The following ITGA2B variants were observed in gnomAD, a reference collection of about 807,000 sequenced individuals.
ITGA2B encodes integrin alpha-IIb.
In ITGA2B, 91 loss-of-function variants were observed where a neutral mutation model predicts 142.0. The ratio of observed to expected loss-of-function variants is 0.64; its 90% CI spans 0.54 to 0.76. ITGA2B has a LOEUF of 0.76. Ranked by LOEUF, ITGA2B falls within the 30% of genes least tolerant of loss-of-function variation. ITGA2B has a pLI of 0.00. For missense variants in ITGA2B, 1,231 were observed against 1,350.8 expected (o/e 0.91, Z 1.39); for synonymous variants, 536 against 567.2 (o/e 0.94, Z 0.78).
chr17:44,385,372 G>A, intron 4 of ITGA2B, 37 bp from the exon 5 acceptor site: 1 of 1,596,660 alleles, frequency 6.3e-7, no homozygotes, highest in Non-Finnish European at 8.5e-7. Flanking sequence ...GCGCAGGGGT[G>A]AAGGGAGGCG....
chr17:44,385,728 C>T lies in ITGA2B; in HGVS notation c.409-12G>A. ...CAGGGGGCGCAGGCCTGGAGAAAGG[C>T]CACAGGAGTGGGGACGGGCGCGAGA... is the stretch of plus-strand genomic sequence containing the variant. On this transcript the variant is annotated splice_polypyrimidine_tract_variant and intron_variant, in intron 3 of 29. Transcript: ENST00000262407. 8.1e-6 allele frequency: 13 copies of T among 1,613,622 alleles called. No individual in the cohort carries two copies. The highest frequency in any genetic ancestry group is 1.1e-5 in the Non-Finnish European group (13 of 1,179,990).
rs763330792 is a variant in ITGA2B, at chr17:44,375,719, G to A, written c.2602-3C>T. 4.5e-6 allele frequency: 7 copies of A among 1,572,764 alleles called. No individual in the cohort carries two copies. Among genetic ancestry groups the A allele is most frequent in the Admixed American group, 1.9e-5 (1 of 52,598 alleles). On this transcript the variant is annotated splice_region_variant and splice_polypyrimidine_tract_variant and intron_variant, in intron 25 of 29. Transcript: ENST00000262407. ...GGGATGGGCAGCCCCCAGTCCACCTGGGGGGGCAAAGGAGTGGTCAGGCCC... is the reference window on the plus strand; with the variant it reads ...GGGATGGGCAGCCCCCAGTCCACCTAGGGGGGCAAAGGAGTGGTCAGGCCC...
chr17:44,387,793 T>G (rs970693426), intron 1 of ITGA2B, among the ~76,000 whole-genome samples: 4 of 117,020 alleles, frequency 3.4e-5, no homozygotes, highest in African/African-American at 1.4e-4. Flanking sequence ...GCCATTGCAC[T>G]CCAGCCTGGG....
chr17:44,378,849 T>C, intron 18 of ITGA2B, 139 bp from the exon 19 acceptor site: 2 of 731,456 alleles, frequency 2.7e-6, no homozygotes, highest in Non-Finnish European at 4.8e-6. Flanking sequence ...AAAAGGAGTT[T>C]GTAGATGGTA....
rs1482354183 is a variant in ITGA2B at position 44,377,062 on chromosome 17, C to T, written c.2214G>A (p.Val738=). Residue 738 remains valine (V), a synonymous_variant, in exon 22 of 30, where the codon GTG becomes GTA. Transcript: ENST00000262407. Reference sequence around the variant, plus strand: ...ACTCCCCAGCCTCTTCCAGATTCCCCACGCTCACCAACATCGCGATTCCTA... The same window carrying T: ...ACTCCCCAGCCTCTTCCAGATTCCCTACGCTCACCAACATCGCGATTCCTA... ...AQIGIAMLVS[V]GNLEEAGESV... 1 of 1,588,850 alleles carries T rather than the reference C, an allele frequency of 6.3e-7. No homozygotes were observed. The highest frequency in any genetic ancestry group is 8.6e-7 in the Non-Finnish European group (1 of 1,167,698).
chr17:44,375,834 T>A lies in ITGA2B; in HGVS notation c.2600A>T (p.Lys867Met). ...GTCTTTCTTCCACCCAGCTCTTACC[T>A]TGAGAGGGTTGACAGGAGGCTGTGG... is the stretch of plus-strand genomic sequence containing the variant. ...CFPQPPVNPL[K>M]VDWGLPIPSP... The change falls in exon 25 of 30, where the codon AAG (lysine) becomes ATG (methionine). Residue 867 changes from lysine to methionine, a missense_variant and splice_region_variant. By Grantham distance (95) the Lys-to-Met change is moderately conservative. This residue lies in a region of ITGA2B where 908 missense variants were observed against 1,021.1 expected (regional missense o/e 0.89). Transcript: ENST00000262407. 6.3e-7 allele frequency: 1 copy of A among 1,577,316 alleles called. No individual in the cohort carries two copies. The highest frequency in any genetic ancestry group is 8.6e-7 in the Non-Finnish European group (1 of 1,160,940).
rs1598376016 is a variant in ITGA2B, at chr17:44,374,999, T to G, written c.2840A>C (p.Gln947Pro). The part of the protein sequence containing the change: ...LAFLWLPSLY[Q>P]RPLDQFVLQS... ...CCGCCCCACCACGGCCCACCCCACC[T>G]GGTAGAGGCTGGGCAGCCACAGGAA... The change falls in exon 27 of 30, where the codon CAG (glutamine) becomes CCG (proline). Residue 947 changes from glutamine to proline, a missense_variant and splice_region_variant. Around this residue, in one of 3 missense-constraint regions of ITGA2B, gnomAD observed 908 missense variants for 1,021.1 expected, o/e 0.89. Coordinates refer to ENST00000262407, the MANE Select transcript of ITGA2B (RefSeq NM_000419.5). The G allele has an allele frequency of 4.5e-5, 45 of 997,846 alleles. No individual in the cohort carries two copies. Among genetic ancestry groups the G allele is most frequent in the Non-Finnish European group, 5.6e-5 (41 of 736,078 alleles). 61.8% of individuals were successfully genotyped at this position (997,846 alleles called of 1,614,324 possible).
chr17:44,385,090 G>C lies in ITGA2B; in HGVS notation c.671-14C>G. 6.2e-7 allele frequency: 1 copy of C among 1,614,138 alleles called. No individual in the cohort carries two copies. Among genetic ancestry groups the C allele is most frequent in the Non-Finnish European group, 8.5e-7 (1 of 1,180,030 alleles). ...GGGCCAGGAGACCTAGGGCGGGAGG[G>C]ACAGCGGGTGTGAAGCCCAAAGCGG... is the stretch of plus-strand genomic sequence containing the variant. On this transcript the variant is annotated splice_polypyrimidine_tract_variant and intron_variant, in intron 6 of 29. Coordinates refer to ENST00000262407, the MANE Select transcript of ITGA2B (RefSeq NM_000419.5).
rs201322633 is a variant in ITGA2B, at chr17:44,378,506, C to A, written c.1950G>T (p.Thr650=). 6.2e-7 allele frequency: 1 copy of A among 1,613,476 alleles called. No individual in the cohort carries two copies. Among genetic ancestry groups the A allele is most frequent in the African/African-American group, 1.3e-5 (1 of 74,942 alleles). The part of the protein sequence containing the change: ...VPQLQLTASV[T]GSPLLVGADN... Reference sequence around the variant, plus strand: ...CTGCCCCAACTAGGAGCGGGGAGCCCGTCCTGTGGGGAAAGAGGAGTGAAG... The same window carrying A: ...CTGCCCCAACTAGGAGCGGGGAGCCAGTCCTGTGGGGAAAGAGGAGTGAAG... The change falls in exon 20 of 30, where the codon ACG becomes ACT. Residue 650 remains threonine, a synonymous_variant. Coordinates refer to ENST00000262407, the MANE Select transcript of ITGA2B (RefSeq NM_000419.5).
At position 44,375,691 on chromosome 17, in the gene ITGA2B, C is replaced by A. The variant is rs771775393; in HGVS notation, c.2627G>T (p.Ser876Ile). The A allele has an allele frequency of 1.9e-6, 3 of 1,597,690 alleles. 1 individual carries two copies. The South Asian group carries it at 3.4e-5, about 18-fold the overall frequency. The change falls in exon 26 of 30, where the codon AGC (serine) becomes ATC (isoleucine). Residue 876 changes from serine (S) to isoleucine (I), a missense_variant. Ser to Ile is a moderately radical substitution (Grantham distance 142, BLOSUM62 -2). Transcript: ENST00000262407. ...LKVDWGLPIP[S>I]PSPIHPAHHK... ...ATGGGCCGGGTGAATGGGGGAGGGG[C>A]TGGGGATGGGCAGCCCCCAGTCCAC...
In ITGA2B at chr17:44,378,364, C is replaced by T. The variant is rs145553601; in HGVS notation, c.2092G>A (p.Glu698Lys). 2.7e-5 allele frequency: 43 copies of T among 1,610,674 alleles called. No homozygotes were observed. The highest frequency in any genetic ancestry group is 1.6e-4 in the African/African-American group (12 of 74,996). ...TGTTCCCAGGGTGGGGGCCATACCT[C>T]GACATTGCTTAGGGCCCGCATGTAG... ...AHYMRALSNV[E>K]GFERLICNQK... Residue 698 changes from glutamate to lysine, a missense_variant and splice_region_variant, in exon 20 of 30, where the codon GAG becomes AAG. Physicochemically the swap from Glu to Lys is moderately conservative, Grantham distance 56. Coordinates refer to ENST00000262407, the MANE Select transcript of ITGA2B (RefSeq NM_000419.5).
chr17:44,377,407 G>T (rs2048554766), intron 21 of ITGA2B, among the ~76,000 whole-genome samples: 1 of 151,984 alleles, frequency 6.6e-6, no homozygotes, highest in South Asian at 2.1e-4. Flanking sequence ...TGTTGGCCAG[G>T]CTGGTCTTGA....
chr17:44,377,198 CTTTT>C, intron 21 of ITGA2B, 110 bp from the exon 22 acceptor site: 6 of 702,146 alleles, frequency 8.5e-6, no homozygotes, highest in African/African-American at 1.8e-5. Context: ...TATTCTTTTT[CTTTT>C]TTTTTTTTTC....
chr17:44,380,813 T>C (rs2048589826), intron 13 of ITGA2B, 66 bp downstream of exon 13: 1 of 1,604,662 alleles, frequency 6.2e-7, no homozygotes, highest in African/African-American at 1.3e-5. Flanking sequence ...CCGTGTCTCT[T>C]GGCACTTCCA....
chr17:44,372,694 T>G (rs910270233), intron 29 of ITGA2B, among the ~76,000 whole-genome samples: 5 of 152,096 alleles, frequency 3.3e-5, no homozygotes. Context: ...AGTGGCTCGA[T>G]CTCGGCTCAG....
At chr17:44,373,937 G>A (rs850733) in intron 29 of ITGA2B, 78,976 of 206,392 alleles carry the variant, frequency 0.38, 15,394 homozygotes, top group East Asian at 0.43. Context: ...ATGGAGGCTC[G>A]CTCTGTTGCC....
At chr17:44,380,716 T>C in intron 13 of ITGA2B, 71 bp from the exon 14 acceptor site, 1 of 1,606,102 alleles carries the variant, frequency 6.2e-7, no homozygotes, top group Non-Finnish European at 8.5e-7. Context: ...TTCCCAGGGG[T>C]TCCCCACACC....
Position 44,386,137 on chromosome 17 carries a change from T to C in ITGA2B, c.189-6A>G, listed in dbSNP as rs749152873. On this transcript the variant is annotated splice_polypyrimidine_tract_variant and splice_region_variant and intron_variant, in intron 1 of 29. Coordinates refer to ENST00000262407, the MANE Select transcript of ITGA2B (RefSeq NM_000419.5). ...CGCCCACCACGATGGCCACTCTGCA[T>C]AGGAAAGCTGGGTGAGCGCCGCGCA... is the stretch of plus-strand genomic sequence containing the variant. The C allele has an allele frequency of 3.8e-6, 6 of 1,591,972 alleles. No individual in the cohort carries two copies. In the East Asian group the frequency reaches 6.8e-5, roughly 18 times the overall value.
chr17:44,383,517 C>A lies in ITGA2B; in HGVS notation c.1186G>T (p.Asp396Tyr). 6.2e-7 allele frequency: 1 copy of A among 1,610,330 alleles called. No individual in the cohort carries two copies. Among genetic ancestry groups the A allele is most frequent in the South Asian group, 1.1e-5 (1 of 90,592 alleles). ...RFGSAIAPLG[D>Y]LDRDGYNDIA... ...CCATTGTAGCCATCCCGGTCGAGGTCGCCCAGGGGTGCGATGGCAGAGCCG... is the reference window on the plus strand; with the variant it reads ...CCATTGTAGCCATCCCGGTCGAGGTAGCCCAGGGGTGCGATGGCAGAGCCG... Residue 396 changes from aspartate (D) to tyrosine (Y), a missense_variant, in exon 12 of 30, where the codon GAC becomes TAC. By Grantham distance (160) the Asp-to-Tyr change is radical. Coordinates refer to ENST00000262407, the MANE Select transcript of ITGA2B (RefSeq NM_000419.5).
Sources: gnomAD v4.1 joint callset for allele counts (sites outside exome capture counted in the v4.1 genomes callset) on GRCh38, gnomAD v4.1.1 for gene constraint, gnomAD v4.1.1 regional missense constraint, MANE v1.5 for transcripts, NCBI Gene and HGNC (gene_info 2026-07-23, HGNC 2026-07-21) for gene names.